The following ZKSCAN4 variants were observed in gnomAD, a reference collection of about 807,000 sequenced individuals.
ZKSCAN4 encodes zinc finger with KRAB and SCAN domains 4.
A neutral mutation model predicts 30.8 loss-of-function variants in ZKSCAN4; 23 were observed. The ratio of observed to expected loss-of-function variants is 0.75; its 90% CI spans 0.54 to 1.06. The LOEUF (loss-of-function observed/expected upper bound fraction) is 1.06. Among genes scored for constraint, ZKSCAN4 ranks in the 50% least tolerant of loss-of-function variants. ZKSCAN4 has a pLI of 0.00. For synonymous variants in ZKSCAN4, 208 were observed against 252.5 expected, an observed-to-expected ratio of 0.82 and a Z score of 1.67; for missense variants, 556 against 665.4, an observed-to-expected ratio of 0.84 and a Z score of 1.81.
chr6:28,258,679 G>C, the ZKSCAN4 span, among the ~76,000 whole-genome samples: 1 of 151,344 alleles, frequency 6.6e-6, no homozygotes, highest in Non-Finnish European at 1.5e-5. Context: ...TCCTCGGGAG[G>C]ATCTCTTGAA....
rs3085840 is a variant in ZKSCAN4, at chr6:28,242,756, T to TAC, written c.*2358_*2359dup. 6.8e-3 allele frequency among the ~76,000 whole-genome samples: 1,019 copies of TAC among 150,320 alleles called. 5 individuals are homozygous for TAC. Among genetic ancestry groups the TAC allele is most frequent in the South Asian group, 0.018 (87 of 4,770 alleles). On this transcript the variant is annotated 3_prime_UTR_variant, in exon 5 of 5. Coordinates refer to ENST00000377294, the MANE Select transcript of ZKSCAN4 (RefSeq NM_019110.5). Reference sequence around the variant, plus strand: ...CTAAAGACCTAAGCCTAAGTGTGTATACACACACACACACACACACACAAA... The same window carrying TAC: ...CTAAAGACCTAAGCCTAAGTGTGTATACACACACACACACACACACACACAAA...
chr6:28,251,943 G>A lies in ZKSCAN4; in HGVS notation c.38C>T (p.Ala13Val). ...REPRKNAALDAQSAEDQTGLL... is the reference protein window; with the variant it reads ...REPRKNAALDVQSAEDQTGLL... ...CCCCGTCTGGTCTTCTGCAGACTGGGCGTCCAGGGCTGCGTTTTTTCTCGG... is the reference window on the plus strand; with the variant it reads ...CCCCGTCTGGTCTTCTGCAGACTGGACGTCCAGGGCTGCGTTTTTTCTCGG... The change falls in exon 1 of 5, where the codon GCC becomes GTC. Residue 13 changes from alanine (A) to valine (V), a missense_variant. Physicochemically the swap from Ala to Val is moderately conservative, Grantham distance 64 (BLOSUM62 0). Around this residue, in one of 3 missense-constraint regions of ZKSCAN4, gnomAD observed 115 missense variants for 125.9 expected, o/e 0.91. Transcript: ENST00000377294. The surrounding 1 kb of genome is among the most constrained non-coding windows in gnomAD (Gnocchi z 4.5). 2.0e-6 allele frequency: 3 copies of A among 1,521,822 alleles called. No homozygotes were observed. Among genetic ancestry groups the A allele is most frequent in the Non-Finnish European group, 2.6e-6 (3 of 1,139,680 alleles). 94.3% of individuals were successfully genotyped at this position (1,521,822 alleles called of 1,614,324 possible). A position where few individuals can be genotyped will look rare whatever the true frequency, so the allele number is the denominator to read the frequency against.
chr6:28,255,838 A>G (rs1310703892), upstream of ZKSCAN4, among the ~76,000 whole-genome samples: 3 of 152,132 alleles, frequency 2.0e-5, no homozygotes, highest in Non-Finnish European at 2.9e-5. Flanking sequence ...GTAGTTGGAT[A>G]AGGGAAAGGG....
intron 4 of ZKSCAN4, among the ~76,000 whole-genome samples, chr6:28,246,749 G>C (rs1429498391): frequency 6.6e-6 from 1 of 152,114 alleles, no homozygotes; most frequent in Admixed American, 6.5e-5. Context: ...ACAAGGAGTT[G>C]TATCAATTTC....
chr6:28,249,577 G>T lies in ZKSCAN4; in HGVS notation c.571+110C>A. 7.8e-7 allele frequency: 1 copy of T among 1,286,326 alleles called. No homozygotes were observed. Among genetic ancestry groups the T allele is most frequent in the Non-Finnish European group, 1.0e-6 (1 of 954,114 alleles). 79.7% of individuals were successfully genotyped at this position (1,286,326 alleles called of 1,614,324 possible). On this transcript the variant is annotated intron_variant, in intron 2 of 4. Coordinates refer to ENST00000377294, the MANE Select transcript of ZKSCAN4 (RefSeq NM_019110.5). The surrounding 1 kb of genome is among the most constrained non-coding windows in gnomAD (Gnocchi z 4.1). ...CTCTTAGTCTCAGTCTTAAAATACA[G>T]CTCTCTGTGATGAGTATATAAAGTA...
At chr6:28,246,416 C>T (rs986702532) in intron 4 of ZKSCAN4, among the ~76,000 whole-genome samples, 7 of 151,980 alleles carry the variant, frequency 4.6e-5, no homozygotes, top group East Asian at 1.9e-4. Flanking sequence ...TGACATGGAC[C>T]GTCATCTCTA....
intron 2 of ZKSCAN4, 39 bp from the exon 3 acceptor site, chr6:28,248,188 T>A: frequency 6.5e-7 from 1 of 1,536,398 alleles, no homozygotes. Context: ...ACTACCCTAG[T>A]ATTCAGCCTC....
chr6:28,244,833 C>A lies in ZKSCAN4; in HGVS notation c.*283G>T. On this transcript the variant is annotated 3_prime_UTR_variant, in exon 5 of 5. Coordinates refer to ENST00000377294, the MANE Select transcript of ZKSCAN4 (RefSeq NM_019110.5). ...TAAAGTGCTGGCTGAGGGCAATTAA[C>A]AAGTCCAGAAGGCCATTTAAATACA... is the stretch of plus-strand genomic sequence containing the variant. 2.3e-6 allele frequency: 1 copy of A among 442,436 alleles called. No individual in the cohort carries two copies. The highest frequency in any genetic ancestry group is 4.2e-6 in the Non-Finnish European group (1 of 238,974). The allele number at this position is 442,436 out of a possible 1,614,324, so 27.4% of individuals were successfully genotyped here.
chr6:28,251,144 GCA>G lies in ZKSCAN4; in HGVS notation c.423+412_423+413del. On this transcript the variant is annotated intron_variant, in intron 1 of 4. Coordinates refer to ENST00000377294, the MANE Select transcript of ZKSCAN4 (RefSeq NM_019110.5). This position sits in a 1 kb window ranked among gnomAD's most constrained non-coding sequence, Gnocchi z 4.5. ...GAAGCAACAAATCAAGGTAGCATAAGCAGTACCCAGGACTTTGTCACCAACAA... is the reference window on the plus strand; with the variant it reads ...GAAGCAACAAATCAAGGTAGCATAAGGTACCCAGGACTTTGTCACCAACAA... 5.3e-5 allele frequency among the ~76,000 whole-genome samples: 8 copies of G among 152,130 alleles called. No individual in the cohort carries two copies. The highest frequency in any genetic ancestry group is 1.9e-4 in the African/African-American group (8 of 41,416).
chr6:28,253,176 C>A (rs537772204), upstream of ZKSCAN4, among the ~76,000 whole-genome samples: 2 of 152,304 alleles, frequency 1.3e-5, no homozygotes, highest in East Asian at 3.9e-4. This position sits in a 1 kb window ranked among gnomAD's most constrained non-coding sequence, Gnocchi z 4.2. Context: ...GAAGAAAGCC[C>A]TGAGAATTCT....
In ZKSCAN4 at chr6:28,244,105, C is replaced by T. The variant is rs1027533149; in HGVS notation, c.*1011G>A. Among the ~76,000 whole-genome samples the T allele has an allele frequency of 3.9e-5, 6 of 152,140 alleles. No individual in the cohort carries two copies. The highest frequency in any genetic ancestry group is 1.4e-4 in the African/African-American group (6 of 41,418). On this transcript the variant is annotated 3_prime_UTR_variant, in exon 5 of 5. Transcript: ENST00000377294. ...ATTATAAATATTTGTTATGAATCTT[C>T]GGACCTGGAGAAAGTTTAAGCTTAG... is the stretch of plus-strand genomic sequence containing the variant.
At position 28,248,843 on chromosome 6, in the gene ZKSCAN4, AAG is replaced by A. The variant is rs1396971057; in HGVS notation, c.572-696_572-695del. Among the ~76,000 whole-genome samples the A allele has an allele frequency of 1.7e-4, 21 of 126,222 alleles. No homozygotes were observed. In the South Asian group the frequency reaches 2.4e-3, roughly 14 times the overall value. The allele number at this position is 126,222 out of a possible 152,430, so 82.8% of individuals were successfully genotyped here. On this transcript the variant is annotated intron_variant, in intron 2 of 4. Coordinates refer to ENST00000377294, the MANE Select transcript of ZKSCAN4 (RefSeq NM_019110.5). Reference sequence around the variant, plus strand: ...CCCCATCTCAAAAAAAAAAAAAAAAAAGAAAAAAGAAAAAGAAAAACTAGGAG... The same window carrying A: ...CCCCATCTCAAAAAAAAAAAAAAAAAAAAAAAGAAAAAGAAAAACTAGGAG...
Position 28,251,441 on chromosome 6 carries a change from C to T in ZKSCAN4, c.423+117G>A. The T allele has an allele frequency of 2.6e-6, 4 of 1,552,522 alleles. No individual in the cohort carries two copies. The South Asian group carries it at 4.6e-5, about 18-fold the overall frequency. ...ACTTCACCTTACTGCCAAGGAGGTT[C>T]ACAGTACAAAAAGAGATGAAGAACT... On this transcript the variant is annotated intron_variant, in intron 1 of 4. Coordinates refer to ENST00000377294, the MANE Select transcript of ZKSCAN4 (RefSeq NM_019110.5). This position sits in a 1 kb window ranked among gnomAD's most constrained non-coding sequence, Gnocchi z 4.5.
upstream of ZKSCAN4, among the ~76,000 whole-genome samples, chr6:28,252,978 GC>G (rs1183986250): frequency 6.6e-6 from 1 of 152,146 alleles, no homozygotes; most frequent in East Asian, 1.9e-4. Flanking sequence ...TACGCAGGTA[GC>G]CAGGTTACCT....
At chr6:28,254,523 T>C (rs1460202619), upstream of ZKSCAN4, among the ~76,000 whole-genome samples, 3 of 152,174 alleles carry the variant, frequency 2.0e-5, no homozygotes, top group Non-Finnish European at 4.4e-5. Flanking sequence ...GAGCCCCACT[T>C]CTGGAGTTGA....
chr6:28,254,757 C>A (rs916831638), upstream of ZKSCAN4, among the ~76,000 whole-genome samples: 1 of 152,130 alleles, frequency 6.6e-6, no homozygotes, highest in Non-Finnish European at 1.5e-5. Flanking sequence ...GGAAGCCCTG[C>A]GACGGCATTT....
At chr6:28,246,831 TAGTC>T (rs1561858059) in intron 4 of ZKSCAN4, 134 bp downstream of exon 4, 26 of 1,011,494 alleles carry the variant, frequency 2.6e-5, no homozygotes, top group East Asian at 1.0e-4. Flanking sequence ...AAGGAGCTAG[TAGTC>T]AGTAACAGGC....
intron 2 of ZKSCAN4, among the ~76,000 whole-genome samples, chr6:28,248,816 A>G (rs1581583996): frequency 7.8e-6 from 1 of 128,772 alleles, no homozygotes; most frequent in African/African-American, 3.1e-5. Flanking sequence ...ACAGAGTGAG[A>G]CCCCCATCTC....
chr6:28,242,756 T>TACACAC lies in ZKSCAN4; in HGVS notation c.*2354_*2359dup, dbSNP rs3085840. Among the ~76,000 whole-genome samples, 12 of 150,328 alleles carry TACACAC rather than the reference T, an allele frequency of 8.0e-5. No homozygotes were observed. The Middle Eastern group carries it at 0.01, about 130-fold the overall frequency. ...CTAAAGACCTAAGCCTAAGTGTGTATACACACACACACACACACACACAAA... is the reference window on the plus strand; with the variant it reads ...CTAAAGACCTAAGCCTAAGTGTGTATACACACACACACACACACACACACACACAAA... On this transcript the variant is annotated 3_prime_UTR_variant, in exon 5 of 5. Transcript: ENST00000377294.
Sources: gnomAD v4.1 joint callset for allele counts (sites outside exome capture counted in the v4.1 genomes callset) on GRCh38, gnomAD v4.1.1 for gene constraint, gnomAD v4.1.1 regional missense constraint, Gnocchi (gnomAD v3.1) non-coding constraint, MANE v1.5 for transcripts, NCBI Gene and HGNC (gene_info 2026-07-23, HGNC 2026-07-21) for gene names.